Variants in VPS13B observed in about 807,000 individuals in gnomAD.
VPS13B encodes vacuolar protein sorting 13 homolog B.
VPS13B carries 285 observed loss-of-function variants against 426.4 expected under a neutral mutation model. The observed-to-expected ratio is 0.67, with a 90% CI of 0.61 to 0.74. The LOEUF (loss-of-function observed/expected upper bound fraction) is 0.74, where lower values mean the gene tolerates loss of function less well. Among genes scored for constraint, VPS13B ranks in the 30% least tolerant of loss-of-function variants. VPS13B has a pLI of 0.00. For missense variants in VPS13B, 4,537 were observed against 4,782.6 expected, an observed-to-expected ratio of 0.95 and a Z score of 1.51; for synonymous variants, 1,676 against 1,676.4, an observed-to-expected ratio of 1.00 and a Z score of 0.01.
intron 39 of VPS13B, among the ~76,000 whole-genome samples, chr8:99,764,000 A>G (rs760717274): frequency 2.0e-5 from 3 of 152,188 alleles, no homozygotes; most frequent in Admixed American, 6.5e-5. Context: ...AAAGATTGAG[A>G]ATTACTTATT....
At chr8:99,737,195 A>G (rs1211919089) in intron 39 of VPS13B, among the ~76,000 whole-genome samples, 4 of 123,062 alleles carry the variant, frequency 3.3e-5, no homozygotes, top group African/African-American at 1.3e-4. Flanking sequence ...ATCTCTGCTC[A>G]CTGCAAGCTC....
At chr8:99,518,856 A>G (rs1180847938) in intron 29 of VPS13B, among the ~76,000 whole-genome samples, 1 of 152,178 alleles carries the variant, frequency 6.6e-6, no homozygotes. Context: ...TTTGGGAAAT[A>G]TGGATTGTAT....
chr8:99,443,407 G>C (rs1358837081), intron 23 of VPS13B, among the ~76,000 whole-genome samples: 1 of 151,998 alleles, frequency 6.6e-6, no homozygotes, highest in East Asian at 1.9e-4. Flanking sequence ...TCTCTACTTT[G>C]ATGTTGATTT....
chr8:99,033,789 G>A (rs994200946), intron 2 of VPS13B, among the ~76,000 whole-genome samples: 12 of 151,968 alleles, frequency 7.9e-5, no homozygotes, highest in African/African-American at 2.7e-4. Context: ...TCAGCTATTC[G>A]GGAGGCTGAG....
intron 3 of VPS13B, among the ~76,000 whole-genome samples, chr8:99,065,047 C>G (rs996736903): frequency 6.6e-6 from 1 of 152,134 alleles, no homozygotes; most frequent in Admixed American, 6.6e-5. Flanking sequence ...ACTTTACAGA[C>G]AAGCAAATGC....
intron 19 of VPS13B, among the ~76,000 whole-genome samples, chr8:99,283,274 G>A (rs1819263114): frequency 1.3e-5 from 2 of 152,138 alleles, no homozygotes; most frequent in South Asian, 4.1e-4. Flanking sequence ...CACATTTGTG[G>A]TTTGGGCATA....
At chr8:99,516,773 A>G (rs970282729) in intron 29 of VPS13B, among the ~76,000 whole-genome samples, 8 of 120,430 alleles carry the variant, frequency 6.6e-5, no homozygotes, top group African/African-American at 2.5e-4. Flanking sequence ...GGGTGACAGG[A>G]GGAGACCGTG....
intron 19 of VPS13B, among the ~76,000 whole-genome samples, chr8:99,355,052 A>G (rs190675747): frequency 6.4e-4 from 97 of 152,356 alleles, no homozygotes; most frequent in Non-Finnish European, 1.0e-3. Context: ...AAAGGGGGCA[A>G]GGAGTTTTAA....
intron 39 of VPS13B, among the ~76,000 whole-genome samples, chr8:99,747,218 AT>A (rs1563897073): frequency 1.3e-5 from 2 of 152,016 alleles, no homozygotes; most frequent in Non-Finnish European, 2.9e-5. Context: ...CAAAATACAG[AT>A]GTCTGTCAGG....
chr8:99,228,413 G>A (rs961370720), intron 17 of VPS13B, among the ~76,000 whole-genome samples: 22 of 152,134 alleles, frequency 1.4e-4, no homozygotes, highest in Admixed American at 1.4e-3. Context: ...TTGTGAGGAA[G>A]TGTCCTAAAA....
intron 14 of VPS13B, among the ~76,000 whole-genome samples, chr8:99,149,694 C>A (rs1026668088): frequency 6.6e-6 from 1 of 151,430 alleles, no homozygotes; most frequent in African/African-American, 2.4e-5. Context: ...TCCTGGGATG[C>A]GGACCAGTAC....
intron 30 of VPS13B, among the ~76,000 whole-genome samples, chr8:99,522,585 G>C (rs1194286798): frequency 6.8e-6 from 1 of 148,040 alleles, no homozygotes; most frequent in Non-Finnish European, 1.5e-5. Context: ...CTTTTTTTTT[G>C]CCCAACTCTT....
intron 40 of VPS13B, among the ~76,000 whole-genome samples, chr8:99,772,725 T>C (rs1811570249): frequency 6.6e-6 from 1 of 152,214 alleles, no homozygotes; most frequent in Non-Finnish European, 1.5e-5. Context: ...ACAATAAAAG[T>C]GTGCTTGTTA....
At chr8:99,560,870 T>C (rs1229790342) in intron 31 of VPS13B, among the ~76,000 whole-genome samples, 1 of 152,222 alleles carries the variant, frequency 6.6e-6, no homozygotes, top group Non-Finnish European at 1.5e-5. Context: ...CAGGTTATTG[T>C]GTCTTAAAAA....
At chr8:99,731,809 C>T (rs1195108656) in intron 39 of VPS13B, among the ~76,000 whole-genome samples, 1 of 152,148 alleles carries the variant, frequency 6.6e-6, no homozygotes, top group East Asian at 1.9e-4. Flanking sequence ...GTGGCAAAAG[C>T]ATTCACACAA....
chr8:99,058,067 C>T (rs1215058396), intron 3 of VPS13B, among the ~76,000 whole-genome samples: 1 of 151,958 alleles, frequency 6.6e-6, no homozygotes, highest in African/African-American at 2.4e-5. Context: ...ATCTGAAGAC[C>T]TCCAGGTGTT....
chr8:99,626,319 G>A (rs1031459342), intron 33 of VPS13B, among the ~76,000 whole-genome samples: 1 of 152,160 alleles, frequency 6.6e-6, no homozygotes. Context: ...ATTGTACAAA[G>A]GGAAAGAAGC....
chr8:99,207,640 C>T (rs1050712506), intron 17 of VPS13B, among the ~76,000 whole-genome samples: 2 of 151,984 alleles, frequency 1.3e-5, no homozygotes, highest in Admixed American at 6.6e-5. Flanking sequence ...CTTTTATGAA[C>T]ATCATAAAAA....
intron 29 of VPS13B, among the ~76,000 whole-genome samples, chr8:99,516,705 T>C (rs960909945): frequency 6.9e-6 from 1 of 144,268 alleles, no homozygotes; most frequent in African/African-American, 2.6e-5. Flanking sequence ...GGAGAATTAA[T>C]TGAGTCCAGG....
Sources: gnomAD v4.1 joint callset for allele counts (sites outside exome capture counted in the v4.1 genomes callset) on GRCh38, gnomAD v4.1.1 for gene constraint, MANE v1.5 for transcripts, NCBI Gene and HGNC (gene_info 2026-07-23, HGNC 2026-07-21) for gene names.